EPHB2: variants seen among roughly 807,000 people sequenced by gnomAD.
EPHB2 encodes EPH receptor B2.
In EPHB2, 18 loss-of-function variants were observed where a neutral mutation model predicts 96.4. That is an observed-to-expected ratio of 0.19 (90% CI 0.13 to 0.28). The LOEUF (loss-of-function observed/expected upper bound fraction) is 0.28. Among genes scored for constraint, EPHB2 ranks in the 10% least tolerant of loss-of-function variants. EPHB2 has a pLI of 1.00. For missense variants in EPHB2, 989 were observed against 1,355.4 expected, an observed-to-expected ratio of 0.73 and a Z score of 4.25; for synonymous variants, 506 against 534.1, an observed-to-expected ratio of 0.95 and a Z score of 0.72.
In EPHB2 at chr1:22,841,713, C is replaced by T. The variant is rs1006467777; in HGVS notation, c.812-21324C>T. On this transcript the variant is annotated intron_variant, in intron 3 of 15. Transcript: ENST00000374630. Reference sequence around the variant, plus strand: ...AGGTGGGAGCAGGGGGAGGCCATGGCGAGATGTGAATGGCAGCCCCATGCC... The same window carrying T: ...AGGTGGGAGCAGGGGGAGGCCATGGTGAGATGTGAATGGCAGCCCCATGCC... Among the ~76,000 whole-genome samples the T allele has an allele frequency of 2.0e-5, 3 of 152,100 alleles. No individual in the cohort carries two copies. The East Asian group carries it at 5.8e-4, about 29-fold the overall frequency.
At chr1:22,868,831 G>A (rs60111197) in intron 5 of EPHB2, among the ~76,000 whole-genome samples, 1 of 152,252 alleles carries the variant, frequency 6.6e-6, no homozygotes, top group Non-Finnish European at 1.5e-5. Flanking sequence ...AATCTACCAT[G>A]CACGTGAAAA....
intron 5 of EPHB2, among the ~76,000 whole-genome samples, chr1:22,873,179 G>A (rs574501918): frequency 6.6e-6 from 1 of 152,350 alleles, no homozygotes; most frequent in African/African-American, 2.4e-5. Context: ...TCTCAGGGTC[G>A]ACTGGACAGC....
intron 5 of EPHB2, among the ~76,000 whole-genome samples, chr1:22,870,683 G>T (rs1413125315): frequency 6.6e-6 from 1 of 152,166 alleles, no homozygotes; most frequent in African/African-American, 2.4e-5. Context: ...CTCCAGGGCT[G>T]CCCCGGACAC....
At chr1:22,760,789 A>G (rs1393781933) in intron 1 of EPHB2, among the ~76,000 whole-genome samples, 3 of 152,148 alleles carry the variant, frequency 2.0e-5, no homozygotes, top group Non-Finnish European at 4.4e-5. Flanking sequence ...CACCCAGGAA[A>G]GTGGCCTTAG....
intron 6 of EPHB2, among the ~76,000 whole-genome samples, chr1:22,891,877 C>T (rs1639402095): frequency 6.6e-6 from 1 of 151,896 alleles, no homozygotes; most frequent in South Asian, 2.1e-4. Context: ...TTACTGTGGC[C>T]TTGACCTCCC....
intron 1 of EPHB2, among the ~76,000 whole-genome samples, chr1:22,760,211 A>G (rs1183965519): frequency 3.3e-5 from 5 of 151,922 alleles, no homozygotes; most frequent in African/African-American, 9.7e-5. Flanking sequence ...GCACTCAGAA[A>G]TAATTATCTC....
chr1:22,890,022 A>G (rs564906739), intron 6 of EPHB2, among the ~76,000 whole-genome samples: 1 of 152,250 alleles, frequency 6.6e-6, no homozygotes, highest in Admixed American at 6.5e-5. Flanking sequence ...GGAACCTAGG[A>G]AACATTAGGG....
chr1:22,823,613 A>G (rs1645182944), intron 3 of EPHB2, among the ~76,000 whole-genome samples: 1 of 152,240 alleles, frequency 6.6e-6, no homozygotes, highest in Non-Finnish European at 1.5e-5. Flanking sequence ...GTGATATATA[A>G]TAATAGAAGT....
At chr1:22,861,427 C>T (rs1638254671) in intron 3 of EPHB2, among the ~76,000 whole-genome samples, 1 of 152,120 alleles carries the variant, frequency 6.6e-6, no homozygotes, top group Non-Finnish European at 1.5e-5. Context: ...TGCTTGAGCC[C>T]AGGAGTTCAA....
At position 22,798,783 on chromosome 1, in the gene EPHB2, C is replaced by T. The variant is rs12085307; in HGVS notation, c.811+13707C>T. Among the ~76,000 whole-genome samples the T allele has an allele frequency of 8.2e-3, 1,248 of 152,102 alleles. 16 individuals carry two copies. The highest frequency in any genetic ancestry group is 0.028 in the African/African-American group (1,180 of 41,508). On this transcript the variant is annotated intron_variant, in intron 3 of 15. Coordinates refer to ENST00000374630, the MANE Select transcript of EPHB2 (RefSeq NM_017449.5). ...AAATGAGACCAGTAGTCTCATTTAA[C>T]AACAGGTTTGAAGGTTTGAAGAGGC... is the stretch of plus-strand genomic sequence containing the variant.
At chr1:22,770,704 G>T (rs528499222) in intron 1 of EPHB2, among the ~76,000 whole-genome samples, 1 of 152,306 alleles carries the variant, frequency 6.6e-6, no homozygotes, top group South Asian at 2.1e-4. Context: ...GTGTGATGTT[G>T]GGCAGGTTAC....
At chr1:22,891,314 A>G in intron 6 of EPHB2, 1 of 411,508 alleles carries the variant, frequency 2.4e-6, no homozygotes, top group East Asian at 7.1e-5. Flanking sequence ...GGCTCCGTGC[A>G]CTCTGTGATG....
intron 3 of EPHB2, among the ~76,000 whole-genome samples, chr1:22,850,410 A>G (rs563771232): frequency 7.4e-4 from 113 of 152,314 alleles, no homozygotes; most frequent in African/African-American, 2.6e-3. Flanking sequence ...CGCCAGGTCC[A>G]TCTCACCCTC....
At chr1:22,764,967 C>A (rs562879564) in intron 1 of EPHB2, among the ~76,000 whole-genome samples, 1 of 152,132 alleles carries the variant, frequency 6.6e-6, no homozygotes, top group Non-Finnish European at 1.5e-5. Flanking sequence ...GGCAGATGCA[C>A]GGGAGGCGCT....
intron 1 of EPHB2, among the ~76,000 whole-genome samples, chr1:22,729,231 G>A (rs898640783): frequency 3.9e-5 from 6 of 152,328 alleles, no homozygotes; most frequent in Middle Eastern, 3.4e-3. Flanking sequence ...GCCCCATTCC[G>A]AGGGGTGTGG....
At chr1:22,890,886 T>G (rs1272863713) in intron 6 of EPHB2, among the ~76,000 whole-genome samples, 3 of 152,236 alleles carry the variant, frequency 2.0e-5, no homozygotes, top group African/African-American at 4.8e-5. Flanking sequence ...GTAAGTTTCC[T>G]GAGGCCTCCC....
intron 3 of EPHB2, among the ~76,000 whole-genome samples, chr1:22,817,467 T>C (rs1251855952): frequency 6.6e-6 from 1 of 152,226 alleles, no homozygotes; most frequent in African/African-American, 2.4e-5. Flanking sequence ...GCTGCCTTTT[T>C]AGTCATATGG....
Position 22,913,795 on chromosome 1 carries a change from G to C in EPHB2, c.*225G>C. On this transcript the variant is annotated 3_prime_UTR_variant, in exon 16 of 16. Coordinates refer to ENST00000374630, the MANE Select transcript of EPHB2 (RefSeq NM_017449.5). The surrounding 1 kb of genome is among the most constrained non-coding windows in gnomAD (Gnocchi z 4.1). ...GAAAAAAGAAAACAGATCCTGGGAG[G>C]GGGCGGGAAATACAAGGAATATTTT... is the stretch of plus-strand genomic sequence containing the variant. 6.2e-7 allele frequency: 1 copy of C among 1,610,016 alleles called. No homozygotes were observed. Among genetic ancestry groups the C allele is most frequent in the South Asian group, 1.1e-5 (1 of 90,144 alleles).
At chr1:22,851,708 C>T (rs1645628040) in intron 3 of EPHB2, among the ~76,000 whole-genome samples, 1 of 152,200 alleles carries the variant, frequency 6.6e-6, no homozygotes, top group Non-Finnish European at 1.5e-5. Context: ...CCAGCCTCAT[C>T]TCCTTCCTCT....
Sources: gnomAD v4.1 joint callset for allele counts (sites outside exome capture counted in the v4.1 genomes callset) on GRCh38, gnomAD v4.1.1 for gene constraint, Gnocchi (gnomAD v3.1) non-coding constraint, MANE v1.5 for transcripts, NCBI Gene and HGNC (gene_info 2026-07-23, HGNC 2026-07-21) for gene names.